Variants in NUP205 observed in about 807,000 individuals in gnomAD.
The protein encoded by NUP205 is nuclear pore complex protein Nup205.
In NUP205, 76 loss-of-function variants were observed where a neutral mutation model predicts 253.8. The ratio of observed to expected loss-of-function variants is 0.30; its 90% CI spans 0.25 to 0.36. NUP205 has a LOEUF of 0.36. NUP205 is among the 10% of genes least tolerant of loss of function. NUP205 has a pLI of 1.00. For synonymous variants in NUP205, 832 were observed against 850.1 expected (o/e 0.98, Z 0.37); for missense variants, 2,162 against 2,425.5 (o/e 0.89, Z 2.28).
chr7:135,574,643 A>T (rs1195996502), intron 3 of NUP205, among the ~76,000 whole-genome samples: 1 of 152,166 alleles, frequency 6.6e-6, no homozygotes, highest in Non-Finnish European at 1.5e-5. Context: ...GAATCAGAGC[A>T]TGTTTGATTT....
At chr7:135,603,743 C>G (rs752702979) in intron 18 of NUP205, among the ~76,000 whole-genome samples, 1 of 152,042 alleles carries the variant, frequency 6.6e-6, no homozygotes, top group Non-Finnish European at 1.5e-5. Flanking sequence ...CTCCTGACCT[C>G]AAGCAGTCCG....
chr7:135,594,375 A>T (rs933823441), intron 12 of NUP205, among the ~76,000 whole-genome samples, 172 bp from the exon 13 acceptor site: 3 of 152,172 alleles, frequency 2.0e-5, no homozygotes, highest in African/African-American at 7.2e-5. Flanking sequence ...TAAATGAGTG[A>T]TCTGATTTGA....
At chr7:135,570,970 AATTAT>A (rs1805982605) in intron 1 of NUP205, 130 bp from the exon 2 acceptor site, 1 of 215,378 alleles carries the variant, frequency 4.6e-6, no homozygotes, top group Non-Finnish European at 8.9e-6. Context: ...TATAATTGAT[AATTAT>A]ATTAATTAAG....
chr7:135,603,146 C>A (rs1387692578), intron 18 of NUP205, 152 bp downstream of exon 18: 1 of 560,994 alleles, frequency 1.8e-6, no homozygotes, highest in Non-Finnish European at 3.0e-6. Flanking sequence ...GATGGAGTCT[C>A]GCTCTGTCGT....
chr7:135,633,324 G>A (rs963364235), intron 35 of NUP205, among the ~76,000 whole-genome samples: 1 of 152,030 alleles, frequency 6.6e-6, no homozygotes, highest in African/African-American at 2.4e-5. Flanking sequence ...GCAGTGGCAT[G>A]ATCATAGCTG....
chr7:135,626,396 C>A, intron 33 of NUP205, 35 bp downstream of exon 33: 2 of 1,587,642 alleles, frequency 1.3e-6, no homozygotes, highest in African/African-American at 1.4e-5. Context: ...GGTTAAACTC[C>A]CAGTAAAGGA....
Position 135,645,574 on chromosome 7 carries a change from G to C in NUP205, c.5790G>C (p.Leu1930Phe). ...SQDSLFASRT[L>F]FKSRRLQDSF... The stretch of plus-strand genomic sequence containing the variant: ...ATTCCTTATTTGCCTCGAGAACCTT[G>C]TTTAAAAGCAGAAGACTGCAAGGTA... The change falls in exon 41 of 43, where the codon TTG becomes TTC. Residue 1930 changes from leucine (L) to phenylalanine (F), a missense_variant. Physicochemically the swap from Leu to Phe is conservative, Grantham distance 22. Around this residue, in one of 5 missense-constraint regions of NUP205, gnomAD observed 1,144 missense variants for 1,280.9 expected, o/e 0.89. Coordinates refer to ENST00000285968, the MANE Select transcript of NUP205 (RefSeq NM_015135.3). The C allele has an allele frequency of 6.2e-7, 1 of 1,614,020 alleles. No individual in the cohort carries two copies. Among genetic ancestry groups the C allele is most frequent in the Non-Finnish European group, 8.5e-7 (1 of 1,179,972 alleles).
intron 17 of NUP205, among the ~76,000 whole-genome samples, chr7:135,601,852 G>C (rs1006147936): frequency 3.3e-5 from 5 of 152,150 alleles, no homozygotes; most frequent in Non-Finnish European, 5.9e-5. Flanking sequence ...TATAGTGCTT[G>C]ATACATAGTG....
intron 7 of NUP205, among the ~76,000 whole-genome samples, chr7:135,582,948 G>C (rs1295254756): frequency 6.6e-6 from 1 of 152,110 alleles, no homozygotes; most frequent in Non-Finnish European, 1.5e-5. Flanking sequence ...AAATTAGCCA[G>C]GCGTGGTGGT....
Position 135,615,623 on chromosome 7 carries a change from C to T in NUP205, c.3311-293C>T, listed in dbSNP as rs12538589. 0.034 allele frequency among the ~76,000 whole-genome samples: 5,200 copies of T among 152,160 alleles called. 119 individuals are homozygous for T. The highest frequency in any genetic ancestry group is 0.1 in the Middle Eastern group (30 of 294). ...TGTTTTATATATCAGTGTCAAAATACGATAGATTCAGGATCTTTGTGAAAT... is the reference window on the plus strand; with the variant it reads ...TGTTTTATATATCAGTGTCAAAATATGATAGATTCAGGATCTTTGTGAAAT... On this transcript the variant is annotated intron_variant, in intron 23 of 42. Coordinates refer to ENST00000285968, the MANE Select transcript of NUP205 (RefSeq NM_015135.3).
At chr7:135,589,409 C>T (rs1806562745) in intron 10 of NUP205, among the ~76,000 whole-genome samples, 1 of 150,892 alleles carries the variant, frequency 6.6e-6, no homozygotes, top group African/African-American at 2.4e-5. Context: ...CTGTCTCAGC[C>T]TCCCGAATAA....
chr7:135,585,765 T>A (rs1204622030), intron 8 of NUP205, among the ~76,000 whole-genome samples: 1 of 152,196 alleles, frequency 6.6e-6, no homozygotes. Flanking sequence ...TTGGCCAGGC[T>A]GGTCTTGAAC....
Position 135,617,149 on chromosome 7 carries a change from C to T in NUP205, c.3592C>T (p.Pro1198Ser). ...TGACTTCAGTCAGGAGATCCCTGAG[C>T]CTTTGCAGTTGGATTTTTTTGATCG... ...SIDFSQEIPE[P>S]LQLDFFDRAQ... is the part of the protein sequence containing the mutation. The change falls in exon 26 of 43, where the codon CCT becomes TCT. Residue 1198 changes from proline to serine, a missense_variant. Coordinates refer to ENST00000285968, the MANE Select transcript of NUP205 (RefSeq NM_015135.3). 6.2e-7 allele frequency: 1 copy of T among 1,613,610 alleles called. No individual in the cohort carries two copies.
chr7:135,578,148 G>A (rs1012546149), intron 6 of NUP205, 124 bp downstream of exon 6: 53 of 620,180 alleles, frequency 8.5e-5, no homozygotes, highest in Non-Finnish European at 1.3e-4. Context: ...TTTGCAGTCC[G>A]TTCATATTTG....
rs6961420 is a variant in NUP205, at chr7:135,558,162, C to T, written c.28+190C>T. 0.59 allele frequency: 365,611 copies of T among 622,774 alleles called. 110,160 individuals carry two copies. Among genetic ancestry groups the T allele is most frequent in the Middle Eastern group, 0.74 (2,242 of 3,042 alleles). The allele number at this position is 622,774 out of a possible 1,614,324, so 38.6% of individuals were successfully genotyped here. A position where few individuals can be genotyped will look rare whatever the true frequency, so the allele number is the denominator to read the frequency against. On this transcript the variant is annotated intron_variant, in intron 1 of 42. Coordinates refer to ENST00000285968, the MANE Select transcript of NUP205 (RefSeq NM_015135.3). ...GCGCGTCGGTGCTGCGGCTCCAGCC[C>T]TCGAGTTGGGGTTTGAGATTCCAGG...
chr7:135,606,017 A>C (rs1794078990), intron 19 of NUP205, 128 bp from the exon 20 acceptor site: 1 of 615,772 alleles, frequency 1.6e-6, no homozygotes, highest in Admixed American at 2.7e-5. Context: ...ATGTAACTAA[A>C]ACGTAAATAC....
At chr7:135,566,103 T>G (rs1420109601) in intron 1 of NUP205, among the ~76,000 whole-genome samples, 9 of 152,086 alleles carry the variant, frequency 5.9e-5, no homozygotes, top group Admixed American at 6.6e-5. Flanking sequence ...TTTTTTATTT[T>G]ATTTGTTTAT....
At chr7:135,606,990 G>A in intron 21 of NUP205, 75 bp downstream of exon 21, 2 of 1,410,944 alleles carry the variant, frequency 1.4e-6, no homozygotes, top group South Asian at 1.2e-5. Context: ...TGCATTCTGG[G>A]CTCATGGGAT....
Position 135,572,942 on chromosome 7 carries a change from C to CT in NUP205, c.172-698dup, listed in dbSNP as rs1186445399. The stretch of plus-strand genomic sequence containing the variant: ...CCAGAAATGGCTTTTTGCTTTTTAG[C>CT]TTTTTTTTTTTTTTCTTTTTTTTTC... On this transcript the variant is annotated intron_variant, in intron 2 of 42. Transcript: ENST00000285968. 1.0e-3 allele frequency among the ~76,000 whole-genome samples: 139 copies of CT among 137,420 alleles called. No individual in the cohort carries two copies. In the Middle Eastern group the frequency reaches 0.012, roughly 12 times the overall value. 90.2% of individuals were successfully genotyped at this position (137,420 alleles called of 152,430 possible).
Sources: allele counts gnomAD v4.1 joint callset (sites outside exome capture counted in the v4.1 genomes callset), GRCh38; gene constraint gnomAD v4.1.1; regional missense constraint gnomAD v4.1.1; transcripts MANE v1.5; gene names NCBI Gene and HGNC (gene_info 2026-07-23, HGNC 2026-07-21).